ITGA9: variants seen among roughly 807,000 people sequenced by gnomAD.
ITGA9 encodes the protein integrin alpha-9.
Under a neutral mutation model 127.8 loss-of-function variants are expected in ITGA9, and 56 were observed. That is an observed-to-expected ratio of 0.44 (90% CI 0.35 to 0.55). ITGA9 has a LOEUF of 0.55. ITGA9 is among the 20% of genes least tolerant of loss of function. The pLI is 0.00. For missense variants in ITGA9, 1,196 were observed against 1,347.1 expected (o/e 0.89, Z 1.76); for synonymous variants, 508 against 514.5 (o/e 0.99, Z 0.17).
At chr3:37,654,903 T>C (rs1700463217) in intron 17 of ITGA9, among the ~76,000 whole-genome samples, 3 of 152,070 alleles carry the variant, frequency 2.0e-5, no homozygotes, top group Admixed American at 2.0e-4. Flanking sequence ...CCCTGTGTTG[T>C]CATTGTTCAA....
intron 18 of ITGA9, among the ~76,000 whole-genome samples, chr3:37,706,815 G>C (rs1458419040): frequency 6.6e-6 from 1 of 152,192 alleles, no homozygotes; most frequent in Non-Finnish European, 1.5e-5. Flanking sequence ...AGTTCAACCT[G>C]TAATTGCTTT....
At chr3:37,636,382 C>G (rs1700278842) in intron 16 of ITGA9, among the ~76,000 whole-genome samples, 2 of 152,188 alleles carry the variant, frequency 1.3e-5, no homozygotes, top group Non-Finnish European at 2.9e-5. Context: ...CTGATGGCCA[C>G]TGATGATGAG....
In ITGA9 at chr3:37,475,392, T is replaced by C. The variant is rs1468550754; in HGVS notation, c.420+1932T>C. ...TCTCTGCAAGGAAGGATAACCTCTC[T>C]GTGGCTGAGGGCTTGTTTCCAGAGG... is the stretch of plus-strand genomic sequence containing the variant. On this transcript the variant is annotated intron_variant, in intron 3 of 27. Transcript: ENST00000264741. 2.6e-5 allele frequency among the ~76,000 whole-genome samples: 4 copies of C among 152,346 alleles called. No homozygotes were observed. The South Asian group carries it at 6.2e-4, about 24-fold the overall frequency.
At chr3:37,676,953 A>G (rs1700688064) in intron 17 of ITGA9, among the ~76,000 whole-genome samples, 1 of 152,150 alleles carries the variant, frequency 6.6e-6, no homozygotes, top group Non-Finnish European at 1.5e-5. Context: ...AGCATTTTAC[A>G]AGCAAGTGAG....
chr3:37,613,597 T>C (rs747116565), intron 15 of ITGA9, among the ~76,000 whole-genome samples: 2 of 152,208 alleles, frequency 1.3e-5, no homozygotes, highest in Admixed American at 6.5e-5. Flanking sequence ...AAAAGTGTTC[T>C]TATCTCTCCA....
intron 1 of ITGA9, among the ~76,000 whole-genome samples, chr3:37,459,891 C>T (rs1438110562): frequency 2.0e-5 from 3 of 152,114 alleles, no homozygotes; most frequent in African/African-American, 4.8e-5. Flanking sequence ...TATTCATGAC[C>T]CACTGGCTAC....
At chr3:37,788,266 A>C (rs1697065033) in intron 26 of ITGA9, among the ~76,000 whole-genome samples, 1 of 152,000 alleles carries the variant, frequency 6.6e-6, no homozygotes, top group South Asian at 2.1e-4. Context: ...CACAATTCAC[A>C]CTTTTTTCCT....
At chr3:37,479,495 A>T (rs1232538602) in intron 3 of ITGA9, among the ~76,000 whole-genome samples, 1 of 152,186 alleles carries the variant, frequency 6.6e-6, no homozygotes, top group Admixed American at 6.5e-5. Context: ...GGCTTGAAGG[A>T]TGAAGAGCAG....
At chr3:37,642,623 C>T (rs552980482) in intron 16 of ITGA9, among the ~76,000 whole-genome samples, 10 of 152,312 alleles carry the variant, frequency 6.6e-5, no homozygotes, top group South Asian at 4.1e-4. Context: ...ATCTATACCA[C>T]GGTATGTTTG....
chr3:37,666,627 G>A (rs983137784), intron 17 of ITGA9, among the ~76,000 whole-genome samples: 2 of 152,230 alleles, frequency 1.3e-5, no homozygotes, highest in Admixed American at 1.3e-4. Flanking sequence ...CCAAAATGGA[G>A]AGCAGCAGTG....
At chr3:37,803,344 G>GA (rs1697255881) in intron 26 of ITGA9, among the ~76,000 whole-genome samples, 1 of 152,182 alleles carries the variant, frequency 6.6e-6, no homozygotes, top group Non-Finnish European at 1.5e-5. Flanking sequence ...AGGTGCCAGT[G>GA]AAAAATCCAT....
chr3:37,637,282 G>A (rs552753084), intron 16 of ITGA9, among the ~76,000 whole-genome samples: 230 of 152,230 alleles, frequency 1.5e-3, no homozygotes, highest in Non-Finnish European at 2.4e-3. Flanking sequence ...ATGTTCTTCC[G>A]TTTGTTTGTA....
At chr3:37,669,604 A>G (rs2125655775) in intron 17 of ITGA9, among the ~76,000 whole-genome samples, 1 of 152,348 alleles carries the variant, frequency 6.6e-6, no homozygotes, top group Non-Finnish European at 1.5e-5. Context: ...TCAAAAGGAA[A>G]TCAAATCCAA....
intron 13 of ITGA9, among the ~76,000 whole-genome samples, chr3:37,531,269 C>T (rs1261202639): frequency 1.3e-5 from 2 of 152,160 alleles, no homozygotes; most frequent in African/African-American, 4.8e-5. Context: ...GTGATAGGCA[C>T]ACGGTGCTCT....
At chr3:37,666,046 T>C (rs1377089404) in intron 17 of ITGA9, among the ~76,000 whole-genome samples, 7 of 152,200 alleles carry the variant, frequency 4.6e-5, no homozygotes, top group African/African-American at 1.4e-4. Context: ...GCTATGGGTA[T>C]GCCAGACCTG....
intron 17 of ITGA9, among the ~76,000 whole-genome samples, chr3:37,679,220 A>T (rs7374330): frequency 0.58 from 87,853 of 150,328 alleles, 26,417 homozygotes; most frequent in African/African-American, 0.73. Context: ...TTAAAATAAA[A>T]AGGGAAATTT....
intron 15 of ITGA9, among the ~76,000 whole-genome samples, chr3:37,568,639 G>C (rs1699572048): frequency 6.6e-6 from 1 of 152,148 alleles, no homozygotes; most frequent in Non-Finnish European, 1.5e-5. Flanking sequence ...GATACCCTAA[G>C]TCATCTCCCT....
intron 12 of ITGA9, among the ~76,000 whole-genome samples, chr3:37,525,523 AT>A (rs1239065153): frequency 1.3e-5 from 2 of 152,144 alleles, no homozygotes; most frequent in African/African-American, 4.8e-5. Context: ...AACCTAGAGC[AT>A]TTTCCAAGAG....
At chr3:37,460,936 C>T (rs1324160970) in intron 1 of ITGA9, among the ~76,000 whole-genome samples, 1 of 152,072 alleles carries the variant, frequency 6.6e-6, no homozygotes, top group African/African-American at 2.4e-5. Context: ...GAACAAATTT[C>T]CTCCATCTTA....
Sources: gnomAD v4.1 joint callset for allele counts (sites outside exome capture counted in the v4.1 genomes callset) on GRCh38, gnomAD v4.1.1 for gene constraint, MANE v1.5 for transcripts, NCBI Gene and HGNC (gene_info 2026-07-23, HGNC 2026-07-21) for gene names.